Variants in USP10 observed in about 807,000 individuals in gnomAD.
USP10 encodes ubiquitin carboxyl-terminal hydrolase 10.
USP10 carries 22 observed loss-of-function variants against 84.5 expected under a neutral mutation model. The observed-to-expected ratio is 0.26, with a 90% CI of 0.19 to 0.37. The LOEUF (loss-of-function observed/expected upper bound fraction) is 0.37, where lower values mean the gene tolerates loss of function less well. USP10 is among the 10% of genes least tolerant of loss of function. The pLI, the probability that USP10 is intolerant of heterozygous loss-of-function variation, is 1.00. For missense variants in USP10, 1,019 were observed against 998.9 expected (o/e 1.02, Z -0.27); for synonymous variants, 454 against 387.6 (o/e 1.17, Z -2.01).
rs1491184549 is a variant in USP10, at chr16:84,757,400, G to GGT, written c.1193-1315_1193-1314insTG. The stretch of plus-strand genomic sequence containing the variant: ...TAGGAAGGAGGGAATGAGAGGGGTG[G>GGT]GGGTGTGTGTGTGTGTGTGTGTGTG... On this transcript the variant is annotated intron_variant, in intron 4 of 13. Coordinates refer to ENST00000219473, the MANE Select transcript of USP10 (RefSeq NM_005153.3). 9.8e-5 allele frequency among the ~76,000 whole-genome samples: 6 copies of GGT among 61,218 alleles called. No homozygotes were observed. In the South Asian group the frequency reaches 1.4e-3, roughly 15 times the overall value. The allele number at this position is 61,218 out of a possible 152,430, so 40.2% of individuals were successfully genotyped here.
intron 2 of USP10, among the ~76,000 whole-genome samples, chr16:84,737,971 G>C (rs1410272369): frequency 2.0e-5 from 3 of 152,222 alleles, no homozygotes; most frequent in Non-Finnish European, 4.4e-5. Flanking sequence ...TTTCCCGATT[G>C]CTGGGGTTTT....
chr16:84,759,729 A>T, intron 6 of USP10, 162 bp from the exon 7 acceptor site: 1 of 757,682 alleles, frequency 1.3e-6, no homozygotes, highest in Non-Finnish European at 2.2e-6. Context: ...ATAGACCAAA[A>T]ATGCATATAG....
At chr16:84,727,103 AAT>A (rs1381861717) in intron 1 of USP10, among the ~76,000 whole-genome samples, 3 of 152,196 alleles carry the variant, frequency 2.0e-5, no homozygotes, top group Non-Finnish European at 2.9e-5. Flanking sequence ...GACAGCCACC[AAT>A]ATGTCCTAAG....
At chr16:84,762,856 A>T in intron 8 of USP10, 133 bp from the exon 9 acceptor site, 1 of 541,338 alleles carries the variant, frequency 1.8e-6, no homozygotes, top group Non-Finnish European at 3.3e-6. Context: ...CCATGTCATC[A>T]TGTCATTGTT....
At position 84,764,205 on chromosome 16, in the gene USP10, A is replaced by G. The variant is rs754348483; in HGVS notation, c.1774A>G (p.Thr592Ala). The G allele has an allele frequency of 6.2e-7, 1 of 1,613,884 alleles. No homozygotes were observed. The highest frequency in any genetic ancestry group is 1.3e-5 in the African/African-American group (1 of 74,918). Reference protein sequence around the residue: ...QVGPRNKTSVTRQADFVQTPI... With the variant: ...QVGPRNKTSVARQADFVQTPI... Reference sequence around the variant, plus strand: ...GGGCCCCCGGAACAAGACTTCCGTCACCCGCCAGGCGGATTTTGTTCAGAC... The same window carrying G: ...GGGCCCCCGGAACAAGACTTCCGTCGCCCGCCAGGCGGATTTTGTTCAGAC... The change falls in exon 10 of 14, where the codon ACC becomes GCC. Residue 592 changes from threonine to alanine, a missense_variant. Around this residue, in one of 2 missense-constraint regions of USP10, gnomAD observed 232 missense variants for 290.1 expected, o/e 0.80. Coordinates refer to ENST00000219473, the MANE Select transcript of USP10 (RefSeq NM_005153.3).
intron 10 of USP10, among the ~76,000 whole-genome samples, chr16:84,765,215 A>G (rs1302937992): frequency 2.6e-5 from 4 of 151,124 alleles, no homozygotes; most frequent in Admixed American, 1.3e-4. Flanking sequence ...AATAGTTGCT[A>G]CAGTGAAGCA....
chr16:84,736,136 C>G (rs1321292809), intron 2 of USP10, among the ~76,000 whole-genome samples: 2 of 152,122 alleles, frequency 1.3e-5, no homozygotes, highest in Non-Finnish European at 2.9e-5. Context: ...ACAGTTTGGC[C>G]TTTTATCTCT....
intron 1 of USP10, among the ~76,000 whole-genome samples, chr16:84,715,522 C>T (rs1335953187): frequency 6.6e-6 from 1 of 152,218 alleles, no homozygotes; most frequent in Non-Finnish European, 1.5e-5. Flanking sequence ...AGGCATGAGC[C>T]AGTGAGTCCA....
rs1912701298 is a variant in USP10 at position 84,757,402 on chromosome 16, G to GGGTGTGTGTGTGT, written c.1193-1313_1193-1312insGTGTGTGTGTGTG. ...GGAAGGAGGGAATGAGAGGGGTGGG[G>GGGTGTGTGTGTGT]GTGTGTGTGTGTGTGTGTGTGTGTG... On this transcript the variant is annotated intron_variant, in intron 4 of 13. Coordinates refer to ENST00000219473, the MANE Select transcript of USP10 (RefSeq NM_005153.3). 1.6e-4 allele frequency among the ~76,000 whole-genome samples: 13 copies of GGGTGTGTGTGTGT among 82,860 alleles called. No individual in the cohort carries two copies. The East Asian group carries it at 3.0e-3, about 19-fold the overall frequency. 54.4% of individuals were successfully genotyped at this position (82,860 alleles called of 152,430 possible). A position where few individuals can be genotyped will look rare whatever the true frequency, so the allele number is the denominator to read the frequency against.
intron 1 of USP10, among the ~76,000 whole-genome samples, chr16:84,700,661 C>G (rs1474894943): frequency 6.6e-6 from 1 of 152,170 alleles, no homozygotes; most frequent in African/African-American, 2.4e-5. Context: ...AGCAGAGTAG[C>G]GGCCTTGGGC....
intron 2 of USP10, among the ~76,000 whole-genome samples, chr16:84,734,501 T>C (rs182315409): frequency 6.6e-6 from 1 of 152,344 alleles, no homozygotes; most frequent in African/African-American, 2.4e-5. Flanking sequence ...TCTTACTGAT[T>C]TTAGGATTAA....
intron 1 of USP10, among the ~76,000 whole-genome samples, chr16:84,717,072 A>T (rs757197656): frequency 6.6e-6 from 1 of 152,204 alleles, no homozygotes; most frequent in African/African-American, 2.4e-5. Flanking sequence ...GTGAATGTGC[A>T]CATTTAGATT....
At chr16:84,772,784 C>A in intron 12 of USP10, 99 bp downstream of exon 12, 1 of 1,446,386 alleles carries the variant, frequency 6.9e-7, no homozygotes, top group Non-Finnish European at 9.3e-7. Flanking sequence ...AGAGTGAGGA[C>A]ATTCTCTTGC....
At chr16:84,778,719 G>A (rs191338457) in intron 13 of USP10, among the ~76,000 whole-genome samples, 176 bp from the exon 14 acceptor site, 11 of 152,176 alleles carry the variant, frequency 7.2e-5, no homozygotes, top group African/African-American at 2.7e-4. Context: ...ATTATGGATT[G>A]CTTGCGTGTT....
intron 1 of USP10, among the ~76,000 whole-genome samples, chr16:84,705,881 A>C (rs1450102000): frequency 6.6e-6 from 1 of 151,636 alleles, no homozygotes; most frequent in African/African-American, 2.4e-5. Context: ...TACCACGCCC[A>C]GCTAATTTTT....
chr16:84,719,785 A>G (rs1278119151), intron 1 of USP10, among the ~76,000 whole-genome samples: 1 of 152,336 alleles, frequency 6.6e-6, no homozygotes, highest in East Asian at 1.9e-4. Context: ...GTGGAATGCA[A>G]ATTATTAGGA....
intron 1 of USP10, among the ~76,000 whole-genome samples, chr16:84,714,935 A>ATTTT (rs148741686): frequency 7.2e-6 from 1 of 138,674 alleles, no homozygotes; most frequent in Admixed American, 7.2e-5. Flanking sequence ...TATTATTATT[A>ATTTT]TTTTTTTTTT....
chr16:84,765,034 C>T (rs551074163), intron 10 of USP10, among the ~76,000 whole-genome samples: 2 of 150,258 alleles, frequency 1.3e-5, no homozygotes, highest in South Asian at 4.2e-4. Flanking sequence ...AAGATTACAC[C>T]ACTGCACTCC....
intron 1 of USP10, chr16:84,733,061 G>T (rs1340052777): frequency 2.2e-6 from 1 of 458,428 alleles, no homozygotes; most frequent in Non-Finnish European, 4.4e-6. Context: ...AGTATGTTTG[G>T]CAGAGAAAGC....
Sources: allele counts gnomAD v4.1 joint callset (sites outside exome capture counted in the v4.1 genomes callset), GRCh38; gene constraint gnomAD v4.1.1; regional missense constraint gnomAD v4.1.1; transcripts MANE v1.5; gene names NCBI Gene and HGNC (gene_info 2026-07-23, HGNC 2026-07-21).